The following ATP2B2 variants were observed in gnomAD, a reference collection of about 807,000 sequenced individuals.
ATP2B2 encodes the protein plasma membrane calcium-transporting ATPase 2.
ATP2B2 carries 15 observed loss-of-function variants against 120.0 expected under a neutral mutation model. The observed-to-expected ratio is 0.12, with a 90% confidence interval of 0.08 to 0.19. The LOEUF is 0.19. Ranked by LOEUF, ATP2B2 falls within the 10% of genes least tolerant of loss-of-function variation. The probability of loss-of-function intolerance (pLI) is 1.00; values close to 1 mark genes in which losing one functional copy is unlikely to be tolerated. For missense variants in ATP2B2, 1,045 were observed against 1,719.8 expected, an observed-to-expected ratio of 0.61 and a Z score of 6.94; for synonymous variants, 694 against 700.3, an observed-to-expected ratio of 0.99 and a Z score of 0.14.
chr3:10,611,241 A>G (rs954164821), intron 2 of ATP2B2, among the ~76,000 whole-genome samples: 1 of 152,086 alleles, frequency 6.6e-6, no homozygotes, highest in Non-Finnish European at 1.5e-5. Context: ...TTAGGTCATA[A>G]TTACGCTCCC....
intron 1 of ATP2B2, among the ~76,000 whole-genome samples, chr3:10,667,779 C>T (rs2070983408): frequency 6.6e-6 from 1 of 152,194 alleles, no homozygotes; most frequent in African/African-American, 2.4e-5. Flanking sequence ...TTAGAAGGAA[C>T]AAGATGGGGA....
intron 2 of ATP2B2, among the ~76,000 whole-genome samples, chr3:10,540,561 C>G (rs1031228457): frequency 1.3e-5 from 2 of 151,934 alleles, no homozygotes; most frequent in Non-Finnish European, 2.9e-5. Flanking sequence ...GAGTTAATGT[C>G]CTTTGTAGGG....
chr3:10,529,613 T>A (rs756123788), intron 3 of ATP2B2, among the ~76,000 whole-genome samples: 1 of 152,154 alleles, frequency 6.6e-6, no homozygotes, highest in African/African-American at 2.4e-5. Context: ...ATGAAAGAAC[T>A]GGTGGTCTGT....
At chr3:10,478,980 C>G (rs906071914) in intron 1 of ATP2B2, among the ~76,000 whole-genome samples, 3 of 152,206 alleles carry the variant, frequency 2.0e-5, no homozygotes, top group African/African-American at 7.2e-5. Context: ...GGCGCTCTCT[C>G]TCTTCTGCCA....
At position 10,327,023 on chromosome 3, in the gene ATP2B2, T is replaced by C. The variant is rs2125312728; in HGVS notation, c.*1791A>G. Reference sequence around the variant, plus strand: ...TCGAAGCATGGGACATCATCGATCATGGTATTCAAAATGTCTTTTGCACTG... The same window carrying C: ...TCGAAGCATGGGACATCATCGATCACGGTATTCAAAATGTCTTTTGCACTG... On this transcript the variant is annotated 3_prime_UTR_variant, in exon 23 of 23. Coordinates refer to ENST00000360273, the MANE Select transcript of ATP2B2 (RefSeq NM_001001331.4). 3 of 397,456 alleles carry C rather than the reference T, an allele frequency of 7.5e-6. No individual in the cohort carries two copies. The highest frequency in any genetic ancestry group is 1.3e-5 in the Non-Finnish European group (3 of 225,628). The allele number at this position is 397,456 out of a possible 1,614,324, so 24.6% of individuals were successfully genotyped here.
intron 5 of ATP2B2, among the ~76,000 whole-genome samples, chr3:10,388,786 A>C (rs914586713): frequency 1.1e-4 from 16 of 152,226 alleles, no homozygotes; most frequent in Admixed American, 1.0e-3. Context: ...ACATTACAAA[A>C]ATCACAGATT....
intron 2 of ATP2B2, among the ~76,000 whole-genome samples, chr3:10,426,713 A>G (rs2063156646): frequency 6.6e-6 from 1 of 152,250 alleles, no homozygotes; most frequent in Admixed American, 6.5e-5. Context: ...GAAATCCAGT[A>G]TCAGAAATAA....
At chr3:10,641,603 C>T (rs2070173541) in intron 1 of ATP2B2, among the ~76,000 whole-genome samples, 1 of 152,188 alleles carries the variant, frequency 6.6e-6, no homozygotes, top group African/African-American at 2.4e-5. Context: ...CTTTAAGATG[C>T]CAGTTGGCAA....
In ATP2B2 at chr3:10,338,162, A is replaced by G. The variant is rs778184101; in HGVS notation, c.3420+14T>C. 6 of 1,607,806 alleles carry G rather than the reference A, an allele frequency of 3.7e-6. No individual in the cohort carries two copies. The South Asian group carries it at 4.4e-5, about 12-fold the overall frequency. ...CGGCCAGGCCTGGGCCCAGCCCCCA[A>G]GAGCCTCCTGTACCTGTGTCTGGAT... is the stretch of plus-strand genomic sequence containing the variant. On this transcript the variant is annotated intron_variant, in intron 22 of 22. Coordinates refer to ENST00000360273, the MANE Select transcript of ATP2B2 (RefSeq NM_001001331.4).
chr3:10,355,484 G>A (rs57850451), intron 14 of ATP2B2, among the ~76,000 whole-genome samples: 3 of 152,106 alleles, frequency 2.0e-5, no homozygotes, highest in South Asian at 4.1e-4. Flanking sequence ...GTCAACTATC[G>A]CTCTCTCTGG....
intron 1 of ATP2B2, among the ~76,000 whole-genome samples, chr3:10,462,150 A>T (rs1249808831): frequency 6.6e-6 from 1 of 151,910 alleles, no homozygotes; most frequent in African/African-American, 2.4e-5. Context: ...CCTTTCCACC[A>T]CGGCCTTTCT....
chr3:10,621,781 A>T (rs990187794), intron 1 of ATP2B2, among the ~76,000 whole-genome samples: 1 of 152,236 alleles, frequency 6.6e-6, no homozygotes, highest in African/African-American at 2.4e-5. Flanking sequence ...TATTACTCCC[A>T]CATTACAGAT....
chr3:10,575,074 C>T (rs760506566), intron 2 of ATP2B2, among the ~76,000 whole-genome samples: 2 of 152,134 alleles, frequency 1.3e-5, no homozygotes, highest in Non-Finnish European at 2.9e-5. Context: ...GTGAAGTCCC[C>T]GCTGCCGACT....
intron 2 of ATP2B2, among the ~76,000 whole-genome samples, chr3:10,615,736 C>T (rs971738495): frequency 3.3e-5 from 5 of 152,048 alleles, no homozygotes; most frequent in Admixed American, 6.5e-5. Context: ...GGAGTTGATG[C>T]TAAGAAAAAT....
In ATP2B2 at chr3:10,355,902, T is replaced by C. The variant is rs1424261246; in HGVS notation, c.2136+2789A>G. Among the ~76,000 whole-genome samples the C allele has an allele frequency of 1.4e-4, 10 of 70,744 alleles. 3 individuals are homozygous for C. Among genetic ancestry groups the C allele is most frequent in the South Asian group, 1.6e-3 (1 of 626 alleles). 46.4% of individuals were successfully genotyped at this position (70,744 alleles called of 152,430 possible). On this transcript the variant is annotated intron_variant, in intron 14 of 22. Coordinates refer to ENST00000360273, the MANE Select transcript of ATP2B2 (RefSeq NM_001001331.4). ...TCCTGGCTAACACGGTGAAACCCCG[T>C]CTCTACTAAAAAAATACAAAAAATT...
intron 1 of ATP2B2, among the ~76,000 whole-genome samples, chr3:10,652,265 C>A (rs1364158796): frequency 6.6e-6 from 1 of 152,124 alleles, no homozygotes; most frequent in Non-Finnish European, 1.5e-5. Context: ...GACACCTGGG[C>A]CATCCTCAAG....
In ATP2B2 at chr3:10,355,956, T is replaced by TGG. The variant is rs1171069474; in HGVS notation, c.2136+2734_2136+2735insCC. 8.0e-5 allele frequency among the ~76,000 whole-genome samples: 6 copies of TGG among 74,798 alleles called. 1 individual carries two copies. Among genetic ancestry groups the TGG allele is most frequent in the Non-Finnish European group, 1.0e-4 (4 of 39,356 alleles). 49.1% of individuals were successfully genotyped at this position (74,798 alleles called of 152,430 possible). ...CGGGCGTGGTAGCGGGCGCCTGTAG[T>TGG]CCCAGCTACTCGGGAGGCTGAGGCA... is the stretch of plus-strand genomic sequence containing the variant. On this transcript the variant is annotated intron_variant, in intron 14 of 22. Transcript: ENST00000360273.
intron 2 of ATP2B2, among the ~76,000 whole-genome samples, chr3:10,587,751 G>T (rs202111755): frequency 2.2e-4 from 6 of 27,530 alleles, no homozygotes; most frequent in East Asian, 0.015. Flanking sequence ...TGGTTTTTTT[G>T]TTTGTTTGTT....
chr3:10,349,155 C>G (rs984579199), intron 16 of ATP2B2, among the ~76,000 whole-genome samples: 2 of 152,196 alleles, frequency 1.3e-5, no homozygotes, highest in Non-Finnish European at 2.9e-5. Flanking sequence ...CCACGTGACT[C>G]TAAAAATACC....
Sources: gnomAD v4.1 joint callset for allele counts (sites outside exome capture counted in the v4.1 genomes callset) on GRCh38, gnomAD v4.1.1 for gene constraint, MANE v1.5 for transcripts, NCBI Gene and HGNC (gene_info 2026-07-23, HGNC 2026-07-21) for gene names.